KDM4C: variants seen among roughly 807,000 people sequenced by gnomAD.
KDM4C encodes the protein lysine-specific demethylase 4C.
KDM4C carries 81 observed loss-of-function variants against 129.3 expected under a neutral mutation model. That is an observed-to-expected ratio of 0.63 (90% CI 0.52 to 0.75). KDM4C has a LOEUF of 0.75. KDM4C is among the 30% of genes least tolerant of loss of function. The pLI is 0.00. For missense variants in KDM4C, 1,457 were observed against 1,304.0 expected (o/e 1.12, Z -1.81); for synonymous variants, 573 against 456.1 (o/e 1.26, Z -3.26).
chr9:7,020,475 C>T lies in KDM4C; in HGVS notation c.2259+4546C>T, dbSNP rs1287843191. ...CATTTTCAGCTCTGTTTGATTGAAA[C>T]CCTTTTTGGTCAATTTATATAATTC... On this transcript the variant is annotated intron_variant, in intron 15 of 21. Transcript: ENST00000381309. Among the ~76,000 whole-genome samples the T allele has an allele frequency of 2.0e-5, 3 of 152,050 alleles. No individual in the cohort carries two copies. The East Asian group carries it at 5.8e-4, about 29-fold the overall frequency.
At chr9:6,862,807 A>AAAACAAAC (rs367828705) in intron 5 of KDM4C, among the ~76,000 whole-genome samples, 12,255 of 150,722 alleles carry the variant, frequency 0.081, 651 homozygotes, top group South Asian at 0.22. Flanking sequence ...ACTTTGTCTC[A>AAAACAAAC]AAACAAACAA....
chr9:6,986,648 T>C lies in KDM4C; in HGVS notation c.1659T>C (p.Asn553=), dbSNP rs1336110220. 6.2e-7 allele frequency: 1 copy of C among 1,607,766 alleles called. No individual in the cohort carries two copies. The highest frequency in any genetic ancestry group is 1.3e-5 in the African/African-American group (1 of 74,748). Residue 553 remains asparagine (N), a synonymous_variant, in exon 11 of 22, where the codon AAT becomes AAC. Transcript: ENST00000381309. ...CAGCGGTCCCCAGTGGAGAGAGAAA[T>C]AGCTTCAAAGTCCCCAGTGTATGTG... ...EIPAVPSGER[N]SFKVPSIAEG...
chr9:7,100,304 A>G (rs747219499), intron 17 of KDM4C, among the ~76,000 whole-genome samples: 10 of 152,314 alleles, frequency 6.6e-5, no homozygotes, highest in Admixed American at 1.3e-4. Context: ...TACCTAACCT[A>G]CAGTAGTGTT....
intron 10 of KDM4C, among the ~76,000 whole-genome samples, chr9:6,985,288 G>C (rs778905335): frequency 6.6e-6 from 1 of 152,204 alleles, no homozygotes; most frequent in Non-Finnish European, 1.5e-5. Context: ...TATAATAAAA[G>C]AAAAAGTCTT....
rs369080377 is a variant in KDM4C, at chr9:6,786,422, G to C, written c.-17-6550G>C. Among the ~76,000 whole-genome samples, 34 of 152,204 alleles carry C rather than the reference G, an allele frequency of 2.2e-4. No homozygotes were observed. In the East Asian group the frequency reaches 5.0e-3, roughly 22 times the overall value. ...GCTATAAATATCGTTTTTGCTGTAG[G>C]TGGTCTCAGAAACATTGAAGACCAG... On this transcript the variant is annotated intron_variant, in intron 1 of 21. Coordinates refer to ENST00000381309, the MANE Select transcript of KDM4C (RefSeq NM_015061.6).
rs545339702 is a variant in KDM4C at position 7,068,868 on chromosome 9, TG to T, written c.2424+19669del. On this transcript the variant is annotated intron_variant, in intron 17 of 21. Transcript: ENST00000381309. The stretch of plus-strand genomic sequence containing the variant: ...TGCACCACCACGCCCAGCTAGTTTT[TG>T]TATTTTTAGTAGAGACGGAGTTTCA... 7.6e-3 allele frequency among the ~76,000 whole-genome samples: 1,158 copies of T among 152,000 alleles called. 11 individuals carry two copies. Among genetic ancestry groups the T allele is most frequent in the Non-Finnish European group, 0.012 (812 of 67,960 alleles).
chr9:6,969,980 T>C (rs1831673956), intron 8 of KDM4C, among the ~76,000 whole-genome samples: 1 of 152,232 alleles, frequency 6.6e-6, no homozygotes, highest in Admixed American at 6.5e-5. Flanking sequence ...ACATTCCCAC[T>C]GTACCTCATT....
chr9:7,167,478 T>C (rs1844508959), intron 20 of KDM4C, among the ~76,000 whole-genome samples: 1 of 152,212 alleles, frequency 6.6e-6, no homozygotes, highest in Non-Finnish European at 1.5e-5. Context: ...ATCAACTAAG[T>C]TGGGTAAATC....
In KDM4C at chr9:6,990,467, A is replaced by C. The variant is rs774319273; in HGVS notation, c.1729A>C (p.Arg577=). The change falls in exon 12 of 22, where the codon AGG becomes CGG. Residue 577 remains arginine (R), a synonymous_variant. Coordinates refer to ENST00000381309, the MANE Select transcript of KDM4C (RefSeq NM_015061.6). Reference sequence around the variant, plus strand: ...TAAGAGTTGGCGCCATCCACTTAGCAGGCCTCCAGCAAGATCTCCGATGAC... The same window carrying C: ...TAAGAGTTGGCGCCATCCACTTAGCCGGCCTCCAGCAAGATCTCCGATGAC... ...TSKSWRHPLS[R]PPARSPMTLV... 5 of 1,613,656 alleles carry C rather than the reference A, an allele frequency of 3.1e-6. No individual in the cohort carries two copies. The highest frequency in any genetic ancestry group is 3.3e-5 in the Admixed American group (2 of 59,948).
chr9:6,738,939 G>T (rs142205980), intron 1 of KDM4C, among the ~76,000 whole-genome samples: 182 of 151,890 alleles, frequency 1.2e-3, no homozygotes, highest in African/African-American at 4.0e-3. Flanking sequence ...TGTTTGCCCT[G>T]GCTGGTCTCG....
chr9:7,058,298 T>C (rs546323364), intron 17 of KDM4C, among the ~76,000 whole-genome samples: 8 of 152,250 alleles, frequency 5.3e-5, no homozygotes, highest in Admixed American at 2.0e-4. Flanking sequence ...TCCTAAGGCA[T>C]TGAATTTTAG....
intron 11 of KDM4C, chr9:6,987,012 A>G (rs925805107): frequency 1.5e-5 from 3 of 201,990 alleles, no homozygotes; most frequent in Non-Finnish European, 3.0e-5. Context: ...GTTTCTCCCA[A>G]TGCTACCATC....
chr9:6,874,939 A>G (rs1181532310), intron 5 of KDM4C, among the ~76,000 whole-genome samples: 1 of 151,992 alleles, frequency 6.6e-6, no homozygotes, highest in African/African-American at 2.4e-5. Flanking sequence ...GTTAAAAAAA[A>G]AAAAAAAAAA....
intron 3 of KDM4C, among the ~76,000 whole-genome samples, chr9:6,812,376 TCTC>T (rs747078833): frequency 1.8e-4 from 28 of 152,226 alleles, no homozygotes; most frequent in South Asian, 8.3e-4. Flanking sequence ...TCTGCTATCT[TCTC>T]CTTTCTGATC....
intron 1 of KDM4C, chr9:6,721,108 C>T: frequency 9.7e-7 from 1 of 1,029,876 alleles, no homozygotes; most frequent in Non-Finnish European, 1.4e-6. Context: ...ATCAAGGTCT[C>T]TGTTGCCCAG....
chr9:7,157,509 T>G (rs535120498), intron 19 of KDM4C, among the ~76,000 whole-genome samples: 1 of 152,238 alleles, frequency 6.6e-6, no homozygotes, highest in Non-Finnish European at 1.5e-5. Flanking sequence ...ATAGCTCTTA[T>G]TATTTTGAGA....
At chr9:6,853,180 C>G (rs1839168778) in intron 5 of KDM4C, among the ~76,000 whole-genome samples, 1 of 152,138 alleles carries the variant, frequency 6.6e-6, no homozygotes, top group Non-Finnish European at 1.5e-5. Flanking sequence ...GGCATGGAAA[C>G]TTTTAATAAA....
chr9:7,122,888 A>G (rs1174741970), intron 18 of KDM4C, among the ~76,000 whole-genome samples: 1 of 152,178 alleles, frequency 6.6e-6, no homozygotes, highest in Non-Finnish European at 1.5e-5. Flanking sequence ...CTTTAATCTG[A>G]TGGATGCCCT....
rs1173731297 is a variant in KDM4C, at chr9:7,165,317, G to C, written c.2861G>C (p.Gly954Ala). ...QVKWPDGKLY[G>A]AKYFGSNIAH... The stretch of plus-strand genomic sequence containing the variant: ...AAGTGGCCCGATGGCAAACTCTATG[G>C]AGCAAAATATTTTGGATCAAATATT... The change falls in exon 20 of 22, where the codon GGA becomes GCA. Residue 954 changes from glycine (G) to alanine (A), a missense_variant. Gly to Ala is a moderately conservative substitution (Grantham distance 60). Transcript: ENST00000381309. 4.3e-6 allele frequency: 7 copies of C among 1,614,064 alleles called. No homozygotes were observed. In the African/African-American group the frequency reaches 8.0e-5, roughly 18 times the overall value.
Sources: gnomAD v4.1 joint callset for allele counts (sites outside exome capture counted in the v4.1 genomes callset) on GRCh38, gnomAD v4.1.1 for gene constraint, MANE v1.5 for transcripts, NCBI Gene and HGNC (gene_info 2026-07-23, HGNC 2026-07-21) for gene names.